Variants in SLC39A5 observed in about 807,000 individuals in gnomAD.
SLC39A5 encodes the protein zinc transporter ZIP5.
SLC39A5 carries 42 observed loss-of-function variants against 46.9 expected under a neutral mutation model. The observed-to-expected ratio is 0.90, with a 90% CI of 0.70 to 1.16. The LOEUF (loss-of-function observed/expected upper bound fraction) is 1.16, where lower values mean the gene tolerates loss of function less well. Among genes scored for constraint, SLC39A5 ranks in the 50% most tolerant of loss-of-function variants. The pLI, the probability that SLC39A5 is intolerant of heterozygous loss-of-function variation, is 0.00. For synonymous variants in SLC39A5, 311 were observed against 323.1 expected, an observed-to-expected ratio of 0.96 and a Z score of 0.40; for missense variants, 677 against 686.8, an observed-to-expected ratio of 0.99 and a Z score of 0.16.
intron 4 of SLC39A5, among the ~76,000 whole-genome samples, chr12:56,232,252 G>A (rs1477232415): frequency 7.2e-6 from 1 of 138,632 alleles, no homozygotes; most frequent in Non-Finnish European, 1.5e-5. Context: ...TGTAACCTCT[G>A]CCTCCCCGGT....
At chr12:56,234,774 T>G in intron 5 of SLC39A5, 50 bp from the exon 6 acceptor site, 5 of 1,603,170 alleles carry the variant, frequency 3.1e-6, no homozygotes, top group Non-Finnish European at 4.3e-6. Flanking sequence ...GTTAAAGATC[T>G]GAGTCATAGT....
chr12:56,236,352 G>C, intron 8 of SLC39A5, 44 bp from the exon 9 acceptor site: 1 of 1,583,782 alleles, frequency 6.3e-7, no homozygotes. Flanking sequence ...TTAGTCCCTG[G>C]CTCTGCTGCC....
At chr12:56,232,445 C>T (rs910891035) in intron 4 of SLC39A5, among the ~76,000 whole-genome samples, 4 of 152,132 alleles carry the variant, frequency 2.6e-5, no homozygotes, top group South Asian at 2.1e-4. Context: ...GGATTACAGG[C>T]GTGAGCCACC....
chr12:56,237,616 C>G lies in SLC39A5; in HGVS notation c.1508C>G (p.Pro503Arg). 1 of 1,613,596 alleles carries G rather than the reference C, an allele frequency of 6.2e-7. No individual in the cohort carries two copies. Among genetic ancestry groups the G allele is most frequent in the Non-Finnish European group, 8.5e-7 (1 of 1,179,892 alleles). The change falls in exon 13 of 13, where the codon CCC becomes CGC. Residue 503 changes from proline to arginine, a missense_variant. Physicochemically the swap from Pro to Arg is moderately radical, Grantham distance 103. Transcript: ENST00000454355. ...MLPALLRPPE[P>R]LPTPHVLLQG... ...CCAGCCCTGCTTCGTCCTCCGGAGC[C>G]CCTGCCTACGCCCCATGTGCTCCTG...
intron 4 of SLC39A5, 60 bp downstream of exon 4, chr12:56,231,621 C>T (rs1449202422): frequency 2.0e-6 from 3 of 1,474,764 alleles, no homozygotes; most frequent in South Asian, 2.9e-5. Context: ...CAGTGCTTGC[C>T]CCCAGTTGCC....
chr12:56,237,499 G>A, intron 12 of SLC39A5, 89 bp from the exon 13 acceptor site: 1 of 1,588,910 alleles, frequency 6.3e-7, no homozygotes, highest in Non-Finnish European at 8.6e-7. Flanking sequence ...GTGTTTGGGT[G>A]GGGGCTGCTG....
intron 8 of SLC39A5, 66 bp downstream of exon 8, chr12:56,235,766 C>G: frequency 6.2e-7 from 1 of 1,601,924 alleles, no homozygotes; most frequent in Non-Finnish European, 8.5e-7. Flanking sequence ...TGGGCCAGGC[C>G]GGGCGCGGTG....
chr12:56,233,459 A>C (rs1356045709), intron 5 of SLC39A5, among the ~76,000 whole-genome samples: 1 of 151,588 alleles, frequency 6.6e-6, no homozygotes. Context: ...CAAAAATGAA[A>C]ATAAAAAAAA....
rs1229976329 is a variant in SLC39A5 at position 56,235,665 on chromosome 12, A to G, written c.910A>G (p.Met304Val). The change falls in exon 8 of 13, where the codon ATG (methionine) becomes GTG (valine). Residue 304 changes from methionine to valine, a missense_variant. Met to Val is a conservative substitution (Grantham distance 21, BLOSUM62 1). Transcript: ENST00000454355. The stretch of plus-strand genomic sequence containing the variant: ...CTTCCTGCTCTTTGTGCTGGAGAAC[A>G]TGCTGGGGCTTTTGCGGCACCGAGG... ...GLFLLFVLEN[M>V]LGLLRHRGLR... is the part of the protein sequence containing the mutation. 3 of 1,613,934 alleles carry G rather than the reference A, an allele frequency of 1.9e-6. No individual in the cohort carries two copies. The African/African-American group carries it at 4.0e-5, about 22-fold the overall frequency.
At chr12:56,233,766 G>A (rs541804466) in intron 5 of SLC39A5, among the ~76,000 whole-genome samples, 4 of 152,364 alleles carry the variant, frequency 2.6e-5, no homozygotes, top group Non-Finnish European at 5.9e-5. Flanking sequence ...TGGAGGTCCA[G>A]TGAGTGCCCA....
Position 56,235,624 on chromosome 12 carries a change from C to G in SLC39A5, c.869C>G (p.Ser290Ter). The G allele has an allele frequency of 6.2e-7, 1 of 1,614,144 alleles. No individual in the cohort carries two copies. The highest frequency in any genetic ancestry group is 8.5e-7 in the Non-Finnish European group (1 of 1,180,026). Reference sequence around the variant, plus strand: ...GAGAAGGACCTGGGCCCGGGGCTGTCAGTGCTCGGAGGCCTCTTCCTGCTC... The same window carrying G: ...GAGAAGGACCTGGGCCCGGGGCTGTGAGTGCTCGGAGGCCTCTTCCTGCTC... ...LPEKDLGPGL[S>*]VLGGLFLLFV... Residue 290 changes from serine to a stop codon, truncating the protein, a stop_gained, in exon 8 of 13, where the codon TCA (serine) becomes TGA (stop). Transcript: ENST00000454355. LOFTEE classifies it high-confidence loss of function.
At chr12:56,237,439 A>C in intron 12 of SLC39A5, 99 bp downstream of exon 12, 1 of 1,527,460 alleles carries the variant, frequency 6.5e-7, no homozygotes. Flanking sequence ...TAGCTCCTGG[A>C]AGGGCGTCAG....
At chr12:56,233,114 T>C (rs1290848549) in intron 5 of SLC39A5, among the ~76,000 whole-genome samples, 3 of 151,578 alleles carry the variant, frequency 2.0e-5, no homozygotes, top group African/African-American at 7.3e-5. Flanking sequence ...AATACAAAAA[T>C]TAGCCGGGTG....
intron 4 of SLC39A5, among the ~76,000 whole-genome samples, chr12:56,232,161 CTTTTTTTTTT>C (rs767220492): frequency 5.5e-4 from 64 of 117,248 alleles, no homozygotes; most frequent in Admixed American, 1.1e-3. Flanking sequence ...CTTTTCTTTT[CTTTTTTTTTT>C]TTTTTTTTTT....
At position 56,234,948 on chromosome 12, in the gene SLC39A5, G is replaced by A. The variant is rs1310694718; in HGVS notation, c.596G>A (p.Gly199Asp). The A allele has an allele frequency of 3.1e-6, 5 of 1,613,622 alleles. No homozygotes were observed. The highest frequency in any genetic ancestry group is 4.2e-6 in the Non-Finnish European group (5 of 1,180,022). Residue 199 changes from glycine to aspartate, a missense_variant, in exon 6 of 13, where the codon GGC (glycine) becomes GAC (aspartate). By Grantham distance (94) the Gly-to-Asp change is moderately conservative. Transcript: ENST00000454355. ...LYQIDSRVCI[G>D]APAPAPPGDL... ...CAGATCGACAGCCGCGTCTGCATCG[G>A]CGCTCCGGCCCCTGCACCCCCAGGG... is the stretch of plus-strand genomic sequence containing the variant.
chr12:56,236,095 C>T (rs1292631118), intron 8 of SLC39A5, among the ~76,000 whole-genome samples: 1 of 152,140 alleles, frequency 6.6e-6, no homozygotes, highest in Admixed American at 6.5e-5. Flanking sequence ...AGATGAGGAG[C>T]AGTGTGTGCT....
rs376242929 is a variant in SLC39A5, at chr12:56,236,389, A to G, written c.946-7A>G. On this transcript the variant is annotated splice_region_variant and splice_polypyrimidine_tract_variant and intron_variant, in intron 8 of 12. Transcript: ENST00000454355. ...CCTCCACCAGGAGGGATGCCCTCCTATTTCAGAGATGCTGCAGGCGAAAAC... is the reference window on the plus strand; with the variant it reads ...CCTCCACCAGGAGGGATGCCCTCCTGTTTCAGAGATGCTGCAGGCGAAAAC... 1.2e-6 allele frequency: 2 copies of G among 1,613,970 alleles called. No individual in the cohort carries two copies. Among genetic ancestry groups the G allele is most frequent in the Non-Finnish European group, 8.5e-7 (1 of 1,179,948 alleles).
intron 5 of SLC39A5, among the ~76,000 whole-genome samples, chr12:56,233,523 T>C (rs1870446035): frequency 6.6e-6 from 1 of 152,058 alleles, no homozygotes. Context: ...GTTATTTCAA[T>C]AGTGAACTAT....
chr12:56,237,652 G>A lies in SLC39A5; in HGVS notation c.1544G>A (p.Gly515Glu). ...PTPHVLLQGL[G>E]LLLGGGLMLA... ...CCCCATGTGCTCCTGCAGGGGCTGG[G>A]GCTGCTGCTGGGGGGCGGCCTCATG... The change falls in exon 13 of 13, where the codon GGG (glycine) becomes GAG (glutamate). Residue 515 changes from glycine to glutamate, a missense_variant. Coordinates refer to ENST00000454355, the MANE Select transcript of SLC39A5 (RefSeq NM_173596.3). The A allele has an allele frequency of 6.2e-7, 1 of 1,611,254 alleles. No individual in the cohort carries two copies. The highest frequency in any genetic ancestry group is 1.1e-5 in the South Asian group (1 of 90,802).
Sources: allele counts gnomAD v4.1 joint callset (sites outside exome capture counted in the v4.1 genomes callset), GRCh38; gene constraint gnomAD v4.1.1; transcripts MANE v1.5; gene names NCBI Gene and HGNC (gene_info 2026-07-23, HGNC 2026-07-21).